ABL1: variants seen among roughly 807,000 people sequenced by gnomAD.
The protein encoded by ABL1 is ABL proto-oncogene 1, non-receptor tyrosine kinase.
In ABL1, 11 loss-of-function variants were observed where a neutral mutation model predicts 94.7. The observed-to-expected ratio is 0.12, with a 90% CI of 0.07 to 0.19. The LOEUF is 0.19. Ranked by LOEUF, ABL1 falls within the 10% of genes least tolerant of loss-of-function variation. The pLI is 1.00. For synonymous variants in ABL1, 656 were observed against 622.4 expected (o/e 1.05, Z -0.80); for missense variants, 1,082 against 1,489.4 (o/e 0.73, Z 4.50).
chr9:130,804,529 A>T (rs1830100690), intron 1 of ABL1, among the ~76,000 whole-genome samples: 1 of 152,238 alleles, frequency 6.6e-6, no homozygotes, highest in Admixed American at 6.5e-5. Context: ...GGTTGCAGTG[A>T]GCCAGGATCG....
Position 130,822,371 on chromosome 9 carries a change from TGA to T in ABL1, c.137-31691_137-31690del, listed in dbSNP as rs1286181890. Among the ~76,000 whole-genome samples, 9 of 152,126 alleles carry T rather than the reference TGA, an allele frequency of 5.9e-5. No individual in the cohort carries two copies. In the South Asian group the frequency reaches 1.0e-3, roughly 18 times the overall value. The stretch of plus-strand genomic sequence containing the variant: ...CATTTACATTCCCACCAGCAATGTG[TGA>T]GTGTTCCAGTTTTTCCATGTCCTTG... On this transcript the variant is annotated intron_variant, in intron 1 of 10. Transcript: ENST00000372348.
chr9:130,735,961 A>ATATTT (rs573602038), intron 1 of ABL1, among the ~76,000 whole-genome samples: 1,121 of 94,790 alleles, frequency 0.012, 66 homozygotes, highest in African/African-American at 0.067. Flanking sequence ...ATATATATAT[A>ATATTT]TTTTTTTTTT....
intron 1 of ABL1, among the ~76,000 whole-genome samples, chr9:130,797,236 G>GGAAAAAAAAA (rs1491324780): frequency 1.8e-5 from 1 of 55,168 alleles, no homozygotes; most frequent in African/African-American, 5.9e-5. Context: ...ACTCCATCTC[G>GGAAAAAAAAA]AAAAAAAAAA....
At chr9:130,878,681 G>T in intron 8 of ABL1, 114 bp downstream of exon 8, 1 of 1,288,860 alleles carries the variant, frequency 7.8e-7, no homozygotes, top group South Asian at 1.4e-5. Context: ...CTCCATTCCA[G>T]TTCTTCAGAT....
chr9:130,850,896 GTTGTTTTTTGT>G (rs1830847057), intron 1 of ABL1, among the ~76,000 whole-genome samples: 1 of 151,230 alleles, frequency 6.6e-6, no homozygotes, highest in African/African-American at 2.5e-5. Context: ...GGATCACGTT[GTTGTTTTTTGT>G]TTGTTTTTGT....
At chr9:130,876,800 G>C (rs1328089675) in intron 7 of ABL1, among the ~76,000 whole-genome samples, 1 of 128,646 alleles carries the variant, frequency 7.8e-6, no homozygotes, top group Non-Finnish European at 1.6e-5. Flanking sequence ...GCAGTGGCAT[G>C]ATCTCAGCTC....
chr9:130,763,981 G>C (rs1832150014), intron 1 of ABL1, among the ~76,000 whole-genome samples: 1 of 152,142 alleles, frequency 6.6e-6, no homozygotes, highest in Non-Finnish European at 1.5e-5. Flanking sequence ...CATAATGGGG[G>C]CAGGGAACGG....
intron 1 of ABL1, among the ~76,000 whole-genome samples, chr9:130,731,984 C>T (rs1483091167): frequency 6.6e-6 from 1 of 151,732 alleles, no homozygotes; most frequent in Non-Finnish European, 1.5e-5. Flanking sequence ...TTTCAAAATA[C>T]CTGCTGCTTC....
intron 3 of ABL1, among the ~76,000 whole-genome samples, chr9:130,855,301 AT>A (rs1830956331): frequency 6.6e-6 from 1 of 152,188 alleles, no homozygotes; most frequent in African/African-American, 2.4e-5. Flanking sequence ...GACTGGTATG[AT>A]TCTCTTATTG....
intron 1 of ABL1, among the ~76,000 whole-genome samples, chr9:130,769,329 C>CTTTTTTTTTTTTTTTTT (rs372838676): frequency 2.0e-4 from 17 of 84,292 alleles, no homozygotes; most frequent in African/African-American, 6.0e-4. Context: ...TGGCCCTAGT[C>CTTTTTTTTTTTTTTTTT]TTTTTTTTTT....
chr9:130,873,779 G>A (rs62580065), intron 6 of ABL1, among the ~76,000 whole-genome samples: 105 of 152,242 alleles, frequency 6.9e-4, no homozygotes, highest in Non-Finnish European at 1.2e-3. Context: ...TCTTTTATAC[G>A]AGATGTTCTC....
chr9:130,741,483 A>G (rs936388697), intron 1 of ABL1, among the ~76,000 whole-genome samples: 1 of 151,470 alleles, frequency 6.6e-6, no homozygotes, highest in Non-Finnish European at 1.5e-5. Context: ...TAGCACTGGT[A>G]TACCAGCTAC....
intron 1 of ABL1, among the ~76,000 whole-genome samples, chr9:130,844,360 C>G (rs554710115): frequency 1.3e-5 from 2 of 152,278 alleles, no homozygotes; most frequent in East Asian, 3.9e-4. Flanking sequence ...AGCCTCAGTC[C>G]TGATATGGGC....
chr9:130,857,809 G>A (rs1372351590), intron 3 of ABL1, among the ~76,000 whole-genome samples: 2 of 152,106 alleles, frequency 1.3e-5, no homozygotes, highest in East Asian at 3.8e-4. Flanking sequence ...ACTGCAGTGT[G>A]CGTGACGGAC....
At chr9:130,855,949 C>G (rs896012976) in intron 3 of ABL1, among the ~76,000 whole-genome samples, 6 of 151,834 alleles carry the variant, frequency 4.0e-5, no homozygotes, top group Non-Finnish European at 7.4e-5. Context: ...GGAGTCTTGC[C>G]CTGTCACCCA....
chr9:130,780,684 C>T (rs1039896969), intron 1 of ABL1, among the ~76,000 whole-genome samples: 1 of 152,168 alleles, frequency 6.6e-6, no homozygotes, highest in African/African-American at 2.4e-5. Flanking sequence ...GAGGAGGGAG[C>T]TCCAGAAATG....
At chr9:130,827,460 G>C (rs1234667002) in intron 1 of ABL1, among the ~76,000 whole-genome samples, 1 of 152,154 alleles carries the variant, frequency 6.6e-6, no homozygotes, top group East Asian at 1.9e-4. Flanking sequence ...CATTCATAGA[G>C]AGTGAGTGGC....
intron 10 of ABL1, among the ~76,000 whole-genome samples, chr9:130,881,501 G>T (rs34380351): frequency 0.019 from 2,849 of 152,320 alleles, 64 homozygotes; most frequent in Middle Eastern, 0.075. Flanking sequence ...AGGCAAGAGA[G>T]CTTGTGCAGG....
At chr9:130,743,438 C>T (rs1831845430) in intron 1 of ABL1, among the ~76,000 whole-genome samples, 1 of 152,160 alleles carries the variant, frequency 6.6e-6, no homozygotes, top group African/African-American at 2.4e-5. Flanking sequence ...GATTCCCCAC[C>T]TCCTGGTATT....
Sources: gnomAD v4.1 joint callset for allele counts (sites outside exome capture counted in the v4.1 genomes callset) on GRCh38, gnomAD v4.1.1 for gene constraint, MANE v1.5 for transcripts, NCBI Gene and HGNC (gene_info 2026-07-23, HGNC 2026-07-21) for gene names.